APBB2: variants seen among roughly 807,000 people sequenced by gnomAD.
APBB2 encodes amyloid beta precursor protein binding family B member 2.
A neutral mutation model predicts 82.5 loss-of-function variants in APBB2; 38 were observed. That is an observed-to-expected ratio of 0.46 (90% CI 0.36 to 0.60). APBB2 has a LOEUF of 0.60. Ranked by LOEUF, APBB2 falls within the 20% of genes least tolerant of loss-of-function variation. The pLI, the probability that APBB2 is intolerant of heterozygous loss-of-function variation, is 0.00. For missense variants in APBB2, 772 were observed against 972.3 expected (o/e 0.79, Z 2.74); for synonymous variants, 341 against 368.2 (o/e 0.93, Z 0.85).
At chr4:40,851,339 G>A (rs577159212) in intron 12 of APBB2, among the ~76,000 whole-genome samples, 3 of 152,190 alleles carry the variant, frequency 2.0e-5, no homozygotes, top group Middle Eastern at 3.4e-3. Context: ...CATGTGAAGC[G>A]GCAGCCATGT....
chr4:41,052,201 G>A (rs565708720), intron 4 of APBB2, among the ~76,000 whole-genome samples: 2 of 95,440 alleles, frequency 2.1e-5, no homozygotes, highest in East Asian at 4.7e-4. Context: ...GACCTTGTCT[G>A]TACAAAAATA....
chr4:41,023,373 CA>C (rs1037672326), intron 5 of APBB2, among the ~76,000 whole-genome samples: 4 of 152,120 alleles, frequency 2.6e-5, no homozygotes, highest in African/African-American at 4.8e-5. Context: ...CTATTCCATT[CA>C]TTTTTTTTAA....
chr4:40,996,787 A>T (rs1019182650), intron 6 of APBB2, among the ~76,000 whole-genome samples: 2 of 152,180 alleles, frequency 1.3e-5, no homozygotes, highest in African/African-American at 2.4e-5. Context: ...AATCTTGTCC[A>T]GTCCTCATAA....
At chr4:41,060,621 C>A (rs1041976353) in intron 4 of APBB2, among the ~76,000 whole-genome samples, 4 of 151,892 alleles carry the variant, frequency 2.6e-5, no homozygotes, top group Non-Finnish European at 5.9e-5. Flanking sequence ...TATACATGTG[C>A]CAAAATATAA....
intron 4 of APBB2, among the ~76,000 whole-genome samples, chr4:41,039,319 C>T (rs1435754401): frequency 6.6e-6 from 1 of 152,166 alleles, no homozygotes; most frequent in Non-Finnish European, 1.5e-5. Context: ...GGAGTTCTAG[C>T]CACCCCCAAA....
rs2154291413 is a variant in APBB2, at chr4:40,813,640, A to G, written c.*2452T>C. 6.6e-6 allele frequency: 1 copy of G among 152,356 alleles called. No individual in the cohort carries two copies. The highest frequency in any genetic ancestry group is 2.1e-4 in the South Asian group (1 of 4,830). 9.4% of individuals were successfully genotyped at this position (152,356 alleles called of 1,614,324 possible). A position where few individuals can be genotyped will look rare whatever the true frequency, so the allele number is the denominator to read the frequency against. On this transcript the variant is annotated 3_prime_UTR_variant, in exon 18 of 18. Coordinates refer to ENST00000508593, the MANE Select transcript of APBB2 (RefSeq NM_004307.2). ...TAAAGGCTATCATTCATCTTAATGCATCCTATAATTGCACATATAAATCAG... is the reference window on the plus strand; with the variant it reads ...TAAAGGCTATCATTCATCTTAATGCGTCCTATAATTGCACATATAAATCAG...
intron 1 of APBB2, among the ~76,000 whole-genome samples, chr4:41,205,587 CAA>C (rs1272454699): frequency 6.6e-6 from 1 of 152,270 alleles, no homozygotes; most frequent in East Asian, 1.9e-4. Flanking sequence ...TAGAAAAACA[CAA>C]AAACTATGGC....
intron 3 of APBB2, chr4:41,084,569 A>G (rs1294832594): frequency 6.6e-6 from 1 of 152,274 alleles, no homozygotes; most frequent in Non-Finnish European, 1.5e-5. Context: ...TTCTGGTCCA[A>G]AAGAATTGAG....
chr4:40,981,706 A>G (rs77930133), intron 6 of APBB2, among the ~76,000 whole-genome samples: 104 of 152,264 alleles, frequency 6.8e-4, no homozygotes, highest in African/African-American at 2.3e-3. Context: ...ACTCACTCCA[A>G]TTGGAGCCCC....
chr4:40,844,923 T>C (rs2154317533), intron 12 of APBB2, among the ~76,000 whole-genome samples: 1 of 152,364 alleles, frequency 6.6e-6, no homozygotes, highest in South Asian at 2.1e-4. Context: ...TGACAAAAAC[T>C]TTAAAAATCT....
rs60942744 is a variant in APBB2, at chr4:40,961,667, TAAAAAAAAAAAA to T, written c.836-16606_836-16595del. Among the ~76,000 whole-genome samples the T allele has an allele frequency of 3.3e-3, 226 of 68,248 alleles. 1 individual carries two copies. The South Asian group carries it at 0.048, about 15-fold the overall frequency. The allele number at this position is 68,248 out of a possible 152,430, so 44.8% of individuals were successfully genotyped here. A position where few individuals can be genotyped will look rare whatever the true frequency, so the allele number is the denominator to read the frequency against. ...AATAATGAAAGAAAAAAAAAAGATG[TAAAAAAAAAAAA>T]AAAAAAAAAAAAAAAAAAAAAGAAA... On this transcript the variant is annotated intron_variant, in intron 6 of 17. Transcript: ENST00000508593.
chr4:41,187,953 T>TTTCCC (rs1773354553), intron 1 of APBB2, among the ~76,000 whole-genome samples: 1 of 152,196 alleles, frequency 6.6e-6, no homozygotes, highest in Non-Finnish European at 1.5e-5. Flanking sequence ...CCAAATGAGA[T>TTTCCC]CCTCAATAGC....
At chr4:40,872,082 A>G (rs1198931774) in intron 12 of APBB2, among the ~76,000 whole-genome samples, 3 of 152,262 alleles carry the variant, frequency 2.0e-5, no homozygotes, top group Non-Finnish European at 2.9e-5. Flanking sequence ...TGCTTTGCCA[A>G]TGAAATGTGA....
intron 1 of APBB2, among the ~76,000 whole-genome samples, chr4:41,183,568 T>A (rs189134452): frequency 9.2e-5 from 14 of 152,004 alleles, no homozygotes; most frequent in African/African-American, 2.7e-4. Flanking sequence ...GAGAACACCA[T>A]GTGAAGATGA....
At chr4:40,851,998 A>G (rs978783573) in intron 12 of APBB2, among the ~76,000 whole-genome samples, 2 of 152,192 alleles carry the variant, frequency 1.3e-5, no homozygotes, top group African/African-American at 4.8e-5. Flanking sequence ...TATGGAACAA[A>G]TTTTATATTT....
intron 1 of APBB2, among the ~76,000 whole-genome samples, chr4:41,166,488 G>A (rs1055979941): frequency 6.6e-6 from 1 of 151,882 alleles, no homozygotes; most frequent in African/African-American, 2.4e-5. Context: ...TGAGGTGGAA[G>A]GATCACGTGA....
intron 6 of APBB2, among the ~76,000 whole-genome samples, chr4:40,955,203 A>G (rs186703367): frequency 4.7e-4 from 71 of 152,320 alleles, no homozygotes; most frequent in African/African-American, 1.7e-3. Context: ...AGGTCTCCCT[A>G]AAGTAGGAGA....
chr4:41,026,342 A>T (rs1444240966), intron 5 of APBB2, among the ~76,000 whole-genome samples: 1 of 152,212 alleles, frequency 6.6e-6, no homozygotes, highest in Admixed American at 6.5e-5. Flanking sequence ...AAGTTAAAAA[A>T]TTTTTATATC....
Position 40,944,904 on chromosome 4 carries a change from T to C in APBB2, c.1005A>G (p.Ser335=). ...PADLQGSRKG[S]LSSVTPSPTP... is the part of the protein sequence containing the mutation. ...TGGGAGATGGCGTTACAGAACTAAG[T>C]GACCCTTTCCTAGAACCCTGGAGAT... is the stretch of plus-strand genomic sequence containing the variant. Residue 335 remains serine (S), a synonymous_variant, in exon 7 of 18, where the codon TCA becomes TCG. Coordinates refer to ENST00000508593, the MANE Select transcript of APBB2 (RefSeq NM_004307.2). 6.2e-7 allele frequency: 1 copy of C among 1,613,482 alleles called. No individual in the cohort carries two copies. The highest frequency in any genetic ancestry group is 8.5e-7 in the Non-Finnish European group (1 of 1,179,994).
Sources: allele counts gnomAD v4.1 joint callset (sites outside exome capture counted in the v4.1 genomes callset), GRCh38; gene constraint gnomAD v4.1.1; transcripts MANE v1.5; gene names NCBI Gene and HGNC (gene_info 2026-07-23, HGNC 2026-07-21).